Variants in TENM2 observed in about 807,000 individuals in gnomAD.
The protein encoded by TENM2 is teneurin transmembrane protein 2.
A neutral mutation model predicts 245.2 loss-of-function variants in TENM2; 52 were observed. That is an observed-to-expected ratio of 0.21 (90% confidence interval 0.17 to 0.27). The LOEUF (loss-of-function observed/expected upper bound fraction) is 0.27. Ranked by LOEUF, TENM2 falls within the 10% of genes least tolerant of loss-of-function variation. The pLI is 1.00. For missense variants in TENM2, 3,046 were observed against 3,666.8 expected (o/e 0.83, Z 4.37); for synonymous variants, 1,363 against 1,438.9 (o/e 0.95, Z 1.19).
At chr5:167,701,742 T>G (rs1383694311) in intron 2 of TENM2, among the ~76,000 whole-genome samples, 2 of 152,224 alleles carry the variant, frequency 1.3e-5, no homozygotes, top group Non-Finnish European at 2.9e-5. Context: ...ATTGTAGTTG[T>G]TATTACTGTA....
chr5:167,286,240 C>G (rs1771341114), intron 1 of TENM2, among the ~76,000 whole-genome samples: 1 of 152,094 alleles, frequency 6.6e-6, no homozygotes, highest in Admixed American at 6.6e-5. Context: ...TTTCCATTGC[C>G]ATTATAACTC....
intron 2 of TENM2, among the ~76,000 whole-genome samples, chr5:167,773,157 A>G (rs554272510): frequency 6.6e-6 from 1 of 152,294 alleles, no homozygotes; most frequent in East Asian, 1.9e-4. Context: ...TCTGTTTGAG[A>G]AATATGGTTA....
chr5:167,587,660 A>C (rs183716880), intron 2 of TENM2, among the ~76,000 whole-genome samples: 1 of 152,302 alleles, frequency 6.6e-6, no homozygotes, highest in Admixed American at 6.5e-5. Flanking sequence ...AATTCCCTAC[A>C]TCTCCAACAT....
the TENM2 span, among the ~76,000 whole-genome samples, chr5:167,124,054 A>G: frequency 1.5e-4 from 23 of 152,228 alleles, no homozygotes; most frequent in African/African-American, 5.5e-4. Context: ...TAGTGTCTAT[A>G]TGGAGAATAT....
intron 27 of TENM2, among the ~76,000 whole-genome samples, chr5:168,249,483 C>T (rs1284124711): frequency 9.1e-6 from 1 of 110,328 alleles, no homozygotes; most frequent in East Asian, 2.1e-4. Flanking sequence ...TGTGTGTGTG[C>T]AGATTAATTC....
chr5:167,968,541 C>T (rs760081197), intron 4 of TENM2, among the ~76,000 whole-genome samples: 6 of 152,086 alleles, frequency 3.9e-5, no homozygotes, highest in Non-Finnish European at 5.9e-5. Flanking sequence ...AATTAATACT[C>T]CTGTAAAGGT....
At chr5:167,610,686 CT>C (rs1194105395) in intron 2 of TENM2, among the ~76,000 whole-genome samples, 1 of 152,140 alleles carries the variant, frequency 6.6e-6, no homozygotes, top group Non-Finnish European at 1.5e-5. Context: ...GAATAAAAAA[CT>C]TGTTAAATGT....
At chr5:167,276,654 C>T in the TENM2 span, among the ~76,000 whole-genome samples, 16 of 151,964 alleles carry the variant, frequency 1.1e-4, no homozygotes, top group Admixed American at 1.0e-3. Flanking sequence ...ACTCAAGTCT[C>T]TTATATGAAA....
intron 2 of TENM2, among the ~76,000 whole-genome samples, chr5:167,515,323 G>C (rs1770252881): frequency 6.6e-6 from 1 of 152,074 alleles, no homozygotes; most frequent in African/African-American, 2.4e-5. Flanking sequence ...ATATATGTAA[G>C]TGTCTTTGCA....
chr5:168,153,894 G>A (rs984855134), intron 12 of TENM2, among the ~76,000 whole-genome samples: 2 of 152,122 alleles, frequency 1.3e-5, no homozygotes, highest in African/African-American at 4.8e-5. Context: ...ATGTTCAGCA[G>A]GGGCATGGCA....
the TENM2 span, among the ~76,000 whole-genome samples, chr5:167,134,560 A>G: frequency 1.3e-5 from 2 of 152,198 alleles, no homozygotes; most frequent in East Asian, 3.9e-4. Flanking sequence ...AGTCGGCAAG[A>G]AGAAAGTTTG....
At chr5:167,166,198 T>G in the TENM2 span, among the ~76,000 whole-genome samples, 1 of 152,186 alleles carries the variant, frequency 6.6e-6, no homozygotes, top group African/African-American at 2.4e-5. Flanking sequence ...AAAACATTGT[T>G]CAGCACACAT....
intron 2 of TENM2, among the ~76,000 whole-genome samples, chr5:167,689,541 C>G (rs988711630): frequency 2.6e-5 from 4 of 152,148 alleles, no homozygotes; most frequent in Non-Finnish European, 5.9e-5. Flanking sequence ...ATGAAATGAT[C>G]ACCGAATTCA....
the TENM2 span, among the ~76,000 whole-genome samples, chr5:166,990,637 C>T: frequency 6.6e-6 from 1 of 151,798 alleles, no homozygotes; most frequent in African/African-American, 2.4e-5. Context: ...TAGCTTTGGC[C>T]GGTAACATAA....
chr5:167,260,968 T>C, the TENM2 span, among the ~76,000 whole-genome samples: 2 of 152,204 alleles, frequency 1.3e-5, no homozygotes, highest in Non-Finnish European at 2.9e-5. Context: ...ATAAGATCTC[T>C]ATGAGTTTGG....
the TENM2 span, among the ~76,000 whole-genome samples, chr5:167,196,530 G>GTATATATATA: frequency 0.016 from 2,267 of 144,790 alleles, 98 homozygotes; most frequent in African/African-American, 0.059. Context: ...ATATATATGT[G>GTATATATATA]TGTGTACATA....
intron 2 of TENM2, among the ~76,000 whole-genome samples, chr5:167,408,771 A>G (rs1762757731): frequency 6.6e-6 from 1 of 150,728 alleles, no homozygotes; most frequent in Non-Finnish European, 1.5e-5. Flanking sequence ...CTTTCCATGT[A>G]TTTCCCCCAA....
chr5:167,314,155 G>T (rs749994396), intron 1 of TENM2, among the ~76,000 whole-genome samples: 1 of 152,122 alleles, frequency 6.6e-6, no homozygotes, highest in East Asian at 1.9e-4. Context: ...TTATACAAGT[G>T]TGGGCTCCAA....
chr5:167,983,505 G>A (rs1783001540), intron 4 of TENM2, among the ~76,000 whole-genome samples: 1 of 152,152 alleles, frequency 6.6e-6, no homozygotes, highest in Non-Finnish European at 1.5e-5. Context: ...GTTGTTCACG[G>A]CATATGCAAA....
Sources: gnomAD v4.1 joint callset for allele counts (sites outside exome capture counted in the v4.1 genomes callset) on GRCh38, gnomAD v4.1.1 for gene constraint, MANE v1.5 for transcripts, NCBI Gene and HGNC (gene_info 2026-07-23, HGNC 2026-07-21) for gene names.